The following FHOD3 variants were observed in gnomAD, a reference collection of about 807,000 sequenced individuals.
The protein encoded by FHOD3 is FH1/FH2 domain-containing protein 3.
In FHOD3, 90 loss-of-function variants were observed where a neutral mutation model predicts 173.0. That is an observed-to-expected ratio of 0.52 (90% CI 0.44 to 0.62). The LOEUF is 0.62. Ranked by LOEUF, FHOD3 falls within the 20% of genes least tolerant of loss-of-function variation. The pLI is 0.00. For missense variants in FHOD3, 1,945 were observed against 2,034.7 expected (o/e 0.96, Z 0.85); for synonymous variants, 828 against 823.0 (o/e 1.01, Z -0.10).
At position 36,729,159 on chromosome 18, in the gene FHOD3, T is replaced by C. The variant is rs189478931; in HGVS notation, c.3418-1487T>C. 7.9e-5 allele frequency among the ~76,000 whole-genome samples: 12 copies of C among 152,308 alleles called. No individual in the cohort carries two copies. The East Asian group carries it at 2.3e-3, about 29-fold the overall frequency. On this transcript the variant is annotated intron_variant, in intron 19 of 28. Transcript: ENST00000590592. Reference sequence around the variant, plus strand: ...ACAACAGAGGGTGCAGCACACCCCATTACTGTGCTGAATGTGTCTTCAGGA... The same window carrying C: ...ACAACAGAGGGTGCAGCACACCCCACTACTGTGCTGAATGTGTCTTCAGGA...
At chr18:36,388,962 T>TG (rs1300404916) in intron 3 of FHOD3, among the ~76,000 whole-genome samples, 6 of 151,982 alleles carry the variant, frequency 3.9e-5, no homozygotes, top group African/African-American at 1.5e-4. Flanking sequence ...CAGCTCCCTC[T>TG]GGGGGGCACC....
intron 5 of FHOD3, among the ~76,000 whole-genome samples, chr18:36,543,682 C>A (rs1022945342): frequency 1.3e-5 from 2 of 152,158 alleles, no homozygotes; most frequent in African/African-American, 4.8e-5. Flanking sequence ...GAGCAAGCCC[C>A]GCGTACTGGC....
intron 15 of FHOD3, among the ~76,000 whole-genome samples, chr18:36,684,690 A>G (rs1600230935): frequency 6.6e-6 from 1 of 152,216 alleles, no homozygotes; most frequent in African/African-American, 2.4e-5. Flanking sequence ...CAAAAATTGA[A>G]AGAAAAATGA....
At chr18:36,413,494 C>T (rs1254960026) in intron 3 of FHOD3, among the ~76,000 whole-genome samples, 1 of 152,212 alleles carries the variant, frequency 6.6e-6, no homozygotes, top group Non-Finnish European at 1.5e-5. Context: ...GCCCATGCTG[C>T]TCAGCAGGCC....
At chr18:36,745,115 G>A (rs2042086368) in intron 23 of FHOD3, among the ~76,000 whole-genome samples, 1 of 152,096 alleles carries the variant, frequency 6.6e-6, no homozygotes, top group East Asian at 1.9e-4. Context: ...GCTTCAAGGG[G>A]CCCTCCCTCT....
At chr18:36,499,018 A>G (rs1314022243) in intron 3 of FHOD3, among the ~76,000 whole-genome samples, 3 of 152,184 alleles carry the variant, frequency 2.0e-5, no homozygotes, top group Non-Finnish European at 2.9e-5. Flanking sequence ...CTTATGGCAT[A>G]TTTCTGCTTA....
chr18:36,542,162 AGAGT>A (rs2057249024), intron 5 of FHOD3, among the ~76,000 whole-genome samples: 1 of 152,204 alleles, frequency 6.6e-6, no homozygotes, highest in Non-Finnish European at 1.5e-5. Context: ...AGCTCTTTGG[AGAGT>A]GAGTACCATC....
Position 36,658,170 on chromosome 18 carries a change from A to T in FHOD3, c.1817A>T (p.Gln606Leu), listed in dbSNP as rs772806539. ...CCCACATCATCCGTCTCACCCCCAC[A>T]GGAGGCCAGGTTGGAAAGGTGAGTT... ...TTPTSSVSPP[Q>L]EARLERSSPS... Residue 606 changes from glutamine to leucine, a missense_variant, in exon 14 of 29, where the codon CAG becomes CTG. Around this residue, in one of 5 missense-constraint regions of FHOD3, gnomAD observed 1,099 missense variants for 1,051.2 expected, o/e 1.05. Coordinates refer to ENST00000590592, the MANE Select transcript of FHOD3 (RefSeq NM_001281740.3). The T allele has an allele frequency of 5.0e-6, 8 of 1,585,962 alleles. No homozygotes were observed. The highest frequency in any genetic ancestry group is 6.8e-6 in the Non-Finnish European group (8 of 1,169,088).
intron 2 of FHOD3, among the ~76,000 whole-genome samples, chr18:36,356,940 T>C (rs2046389009): frequency 6.6e-6 from 1 of 152,130 alleles, no homozygotes; most frequent in Admixed American, 6.5e-5. Context: ...AGCCTACTTC[T>C]TATCCATCTC....
chr18:36,475,570 G>A (rs576640842), intron 3 of FHOD3, among the ~76,000 whole-genome samples: 1 of 152,214 alleles, frequency 6.6e-6, no homozygotes, highest in South Asian at 2.1e-4. Context: ...TCAAAATCAA[G>A]ACCAATAAAG....
chr18:36,467,896 G>C (rs538374128), intron 3 of FHOD3, among the ~76,000 whole-genome samples: 1 of 152,320 alleles, frequency 6.6e-6, no homozygotes, highest in Admixed American at 6.5e-5. Flanking sequence ...CCTGTGGCAC[G>C]GGTGCCTGCA....
At chr18:36,705,268 G>A (rs530927991) in intron 17 of FHOD3, among the ~76,000 whole-genome samples, 3 of 152,286 alleles carry the variant, frequency 2.0e-5, no homozygotes, top group East Asian at 1.9e-4. Context: ...GCCAGGCCAC[G>A]CAGCTTTCAT....
chr18:36,399,952 T>C (rs2048727889), intron 3 of FHOD3, among the ~76,000 whole-genome samples: 1 of 152,154 alleles, frequency 6.6e-6, no homozygotes, highest in South Asian at 2.1e-4. Context: ...TCCTTCTGAA[T>C]CATAGAGTTC....
At chr18:36,378,834 C>T (rs1033734236) in intron 3 of FHOD3, among the ~76,000 whole-genome samples, 1 of 152,080 alleles carries the variant, frequency 6.6e-6, no homozygotes, top group African/African-American at 2.4e-5. Flanking sequence ...AGGCATGCAC[C>T]ACCATGCCCA....
intron 2 of FHOD3, among the ~76,000 whole-genome samples, chr18:36,355,962 T>A (rs2046339723): frequency 6.6e-6 from 1 of 152,210 alleles, no homozygotes; most frequent in South Asian, 2.1e-4. Flanking sequence ...CCAGCTGTGG[T>A]GGCTCACACC....
chr18:36,565,825 T>G (rs887268647), intron 5 of FHOD3, among the ~76,000 whole-genome samples: 1 of 152,210 alleles, frequency 6.6e-6, no homozygotes, highest in Non-Finnish European at 1.5e-5. Flanking sequence ...AATCTTGCGT[T>G]TCATGGTGGA....
At chr18:36,669,108 C>T (rs543421014) in intron 14 of FHOD3, among the ~76,000 whole-genome samples, 42 of 151,878 alleles carry the variant, frequency 2.8e-4, no homozygotes, top group African/African-American at 1.0e-3. Flanking sequence ...TGTTGCTGTT[C>T]TATTAGTTTT....
chr18:36,595,375 C>G (rs542533687), intron 7 of FHOD3, among the ~76,000 whole-genome samples: 4 of 152,190 alleles, frequency 2.6e-5, no homozygotes, highest in Non-Finnish European at 2.9e-5. Flanking sequence ...CCAAACAGTT[C>G]GGTCACATCC....
intron 14 of FHOD3, among the ~76,000 whole-genome samples, chr18:36,674,922 A>G (rs145516116): frequency 7.2e-4 from 110 of 152,292 alleles, no homozygotes; most frequent in African/African-American, 2.4e-3. Context: ...TCTTCCAGTA[A>G]CATTTTTTTC....
Sources: gnomAD v4.1 joint callset for allele counts (sites outside exome capture counted in the v4.1 genomes callset) on GRCh38, gnomAD v4.1.1 for gene constraint, gnomAD v4.1.1 regional missense constraint, MANE v1.5 for transcripts, NCBI Gene and HGNC (gene_info 2026-07-23, HGNC 2026-07-21) for gene names.